The following PCDHGB4 variants were observed in gnomAD, a reference collection of about 807,000 sequenced individuals.
PCDHGB4 encodes protocadherin gamma-B4.
PCDHGB4 carries 38 observed loss-of-function variants against 60.5 expected under a neutral mutation model. The observed-to-expected ratio is 0.63, with a 90% CI of 0.48 to 0.82. PCDHGB4 has a LOEUF of 0.82. Among genes scored for constraint, PCDHGB4 ranks in the 40% least tolerant of loss-of-function variants. PCDHGB4 has a pLI of 0.00. For missense variants in PCDHGB4, 1,109 were observed against 1,209.6 expected, an observed-to-expected ratio of 0.92 and a Z score of 1.23; for synonymous variants, 456 against 509.7, an observed-to-expected ratio of 0.89 and a Z score of 1.42.
intron 1 of PCDHGB4, among the ~76,000 whole-genome samples, chr5:141,462,269 T>C (rs2099036247): frequency 6.6e-6 from 1 of 152,230 alleles, no homozygotes; most frequent in Admixed American, 6.5e-5. Context: ...CTAAAGTGTA[T>C]TGTTTAGTCA....
intron 1 of PCDHGB4, among the ~76,000 whole-genome samples, chr5:141,448,516 A>T (rs1210489939): frequency 3.9e-5 from 6 of 152,152 alleles, no homozygotes; most frequent in Non-Finnish European, 8.8e-5. Flanking sequence ...TTATAACTTT[A>T]TTAAGCATCC....
chr5:141,474,961 AATC>A (rs2099357151), intron 1 of PCDHGB4, among the ~76,000 whole-genome samples: 1 of 152,254 alleles, frequency 6.6e-6, no homozygotes, highest in African/African-American at 2.4e-5. Flanking sequence ...TCACTATCCT[AATC>A]ATTATAATTT....
chr5:141,397,172 G>C (rs1407642752), intron 1 of PCDHGB4, among the ~76,000 whole-genome samples: 3 of 152,128 alleles, frequency 2.0e-5, no homozygotes, highest in Non-Finnish European at 2.9e-5. Flanking sequence ...TAACTCTTAA[G>C]AATGAATTTA....
At chr5:141,437,668 G>A (rs72790049) in intron 1 of PCDHGB4, among the ~76,000 whole-genome samples, 16,651 of 151,822 alleles carry the variant, frequency 0.11, 1,007 homozygotes, top group African/African-American at 0.17. Context: ...TCGAAGAGAT[G>A]TTGATCAAAC....
rs2091851910 is a variant in PCDHGB4 at position 141,389,628 on chromosome 5, C to T, written c.1744C>T (p.Pro582Ser). Residue 582 changes from proline (P) to serine (S), a missense_variant, in exon 1 of 4, where the codon CCT becomes TCT. Pro to Ser is a moderately conservative substitution (Grantham distance 74). Coordinates refer to ENST00000519479, the MANE Select transcript of PCDHGB4 (RefSeq NM_003736.4). ...CGATATGGTGCCGCACGCTGCAGAG[C>T]CTGGCTACTTGGTGACCAAGGTAGT... Reference protein sequence around the residue: ...LFDMVPHAAEPGYLVTKVVAV... With the variant: ...LFDMVPHAAESGYLVTKVVAV... The T allele has an allele frequency of 6.2e-7, 1 of 1,613,000 alleles. No homozygotes were observed. Among genetic ancestry groups the T allele is most frequent in the Non-Finnish European group, 8.5e-7 (1 of 1,179,858 alleles).
At chr5:141,474,461 CTT>C (rs1264129273) in intron 1 of PCDHGB4, among the ~76,000 whole-genome samples, 1 of 152,214 alleles carries the variant, frequency 6.6e-6, no homozygotes, top group East Asian at 1.9e-4. Context: ...GGGCTATACT[CTT>C]TATTCTAAAT....
At chr5:141,392,728 G>A in intron 1 of PCDHGB4, 3 of 1,407,730 alleles carry the variant, frequency 2.1e-6, no homozygotes, top group Non-Finnish European at 2.8e-6. Flanking sequence ...CCGGAGGATT[G>A]TCATCTCCAT....
intron 1 of PCDHGB4, chr5:141,399,718 C>G (rs770212703): frequency 6.2e-7 from 1 of 1,613,308 alleles, no homozygotes; most frequent in Non-Finnish European, 8.5e-7. Context: ...ACTACAGGCC[C>G]GCGACCAGGG....
In PCDHGB4 at chr5:141,449,878, A is replaced by G. The variant is rs536474516; in HGVS notation, c.2398-44929A>G. On this transcript the variant is annotated intron_variant, in intron 1 of 3. Transcript: ENST00000519479. ...ATAAAAATCAGAAAATTTAACATCA[A>G]TGCAATATAATTATTTAGCCTATAG... 6.6e-4 allele frequency among the ~76,000 whole-genome samples: 100 copies of G among 152,050 alleles called. 1 individual carries two copies. The highest frequency in any genetic ancestry group is 2.4e-3 in the African/African-American group (99 of 41,574).
At position 141,432,707 on chromosome 5, in the gene PCDHGB4, G is replaced by A. The variant is rs750859951; in HGVS notation, c.2397+42426G>A. ...CCTCGTAGTGGCCGTCCAGGACCAC[G>A]GCCAGCCCCCTCTCTCCGCCACTGT... On this transcript the variant is annotated intron_variant, in intron 1 of 3. Coordinates refer to ENST00000519479, the MANE Select transcript of PCDHGB4 (RefSeq NM_003736.4). The surrounding 1 kb of genome is among the most constrained non-coding windows in gnomAD (Gnocchi z 6.0). 5 of 1,613,988 alleles carry A rather than the reference G, an allele frequency of 3.1e-6. No individual in the cohort carries two copies. Among genetic ancestry groups the A allele is most frequent in the Non-Finnish European group, 4.2e-6 (5 of 1,179,970 alleles).
intron 2 of PCDHGB4, among the ~76,000 whole-genome samples, chr5:141,496,411 CT>C (rs1266082660): frequency 6.6e-6 from 1 of 152,190 alleles, no homozygotes; most frequent in African/African-American, 2.4e-5. Context: ...TGGTTGAGTA[CT>C]TGCTGTCCAC....
chr5:141,490,611 G>A lies in PCDHGB4; in HGVS notation c.2398-4196G>A, dbSNP rs1442281165. 1 of 1,614,052 alleles carries A rather than the reference G, an allele frequency of 6.2e-7. No homozygotes were observed. The highest frequency in any genetic ancestry group is 1.3e-5 in the African/African-American group (1 of 74,914). On this transcript the variant is annotated intron_variant, in intron 1 of 3. Coordinates refer to ENST00000519479, the MANE Select transcript of PCDHGB4 (RefSeq NM_003736.4). This position sits in a 1 kb window ranked among gnomAD's most constrained non-coding sequence, Gnocchi z 5.4. ...ACAATGCACCCCGCTTCAACCAGCA[G>A]CTTTACACTGCTTACATCCTAGAAA...
At chr5:141,395,094 G>T (rs192995605) in intron 1 of PCDHGB4, 4 of 1,614,042 alleles carry the variant, frequency 2.5e-6, no homozygotes, top group Non-Finnish European at 3.4e-6. Flanking sequence ...CTCCCTCACC[G>T]CCGACTCGCG....
At chr5:141,461,278 C>T (rs2099012353) in intron 1 of PCDHGB4, among the ~76,000 whole-genome samples, 1 of 152,086 alleles carries the variant, frequency 6.6e-6, no homozygotes, top group South Asian at 2.1e-4. Context: ...GTTCTCTTTT[C>T]CCCACATCCA....
intron 1 of PCDHGB4, chr5:141,400,181 A>T: frequency 6.2e-7 from 1 of 1,614,034 alleles, no homozygotes; most frequent in Non-Finnish European, 8.5e-7. Flanking sequence ...GCTGAGCTGC[A>T]GTTTTACCTA....
chr5:141,394,966 G>T (rs758463890), intron 1 of PCDHGB4: 3 of 1,613,886 alleles, frequency 1.9e-6, no homozygotes, highest in Middle Eastern at 1.6e-4. Flanking sequence ...AGGCTGAGGC[G>T]CTGGCACAAG....
At chr5:141,402,854 C>T (rs1589466051) in intron 1 of PCDHGB4, 2 of 1,423,530 alleles carry the variant, frequency 1.4e-6, no homozygotes, top group East Asian at 2.5e-5. Flanking sequence ...CCTCTTTCTT[C>T]TAAGGAAAAG....
intron 1 of PCDHGB4, among the ~76,000 whole-genome samples, chr5:141,473,422 A>C (rs2154571673): frequency 6.6e-6 from 1 of 152,332 alleles, no homozygotes; most frequent in African/African-American, 2.4e-5. Context: ...TGGGGGAAGC[A>C]GATACTTTGC....
At chr5:141,508,927 A>C (rs1562237319) in intron 3 of PCDHGB4, among the ~76,000 whole-genome samples, 1 of 151,542 alleles carries the variant, frequency 6.6e-6, no homozygotes. Context: ...TTCCTTTTGG[A>C]GTTAATTAGG....
Sources: gnomAD v4.1 joint callset for allele counts (sites outside exome capture counted in the v4.1 genomes callset) on GRCh38, gnomAD v4.1.1 for gene constraint, Gnocchi (gnomAD v3.1) non-coding constraint, MANE v1.5 for transcripts, NCBI Gene and HGNC (gene_info 2026-07-23, HGNC 2026-07-21) for gene names.